The following TMEM38B variants were observed in gnomAD, a reference collection of about 807,000 sequenced individuals.
The protein encoded by TMEM38B is trimeric intracellular cation channel type B.
Under a neutral mutation model 28.7 loss-of-function variants are expected in TMEM38B, and 24 were observed. The ratio of observed to expected loss-of-function variants is 0.84; its 90% CI spans 0.61 to 1.18. The LOEUF is 1.18. Ranked by LOEUF, TMEM38B falls within the 50% of genes most tolerant of loss-of-function variation. The pLI is 0.00. For missense variants in TMEM38B, 380 were observed against 350.9 expected, an observed-to-expected ratio of 1.08 and a Z score of -0.66; for synonymous variants, 131 against 127.7, an observed-to-expected ratio of 1.03 and a Z score of -0.17.
rs1826698890 is a variant in TMEM38B, at chr9:105,775,559, A to C, written c.*1479A>C. On this transcript the variant is annotated 3_prime_UTR_variant, in exon 6 of 6. Coordinates refer to ENST00000374692, the MANE Select transcript of TMEM38B (RefSeq NM_018112.3). ...ACCAGCAGATACTATTACTTGCTTA[A>C]AAAATTGGGAGGGGGCACTTTTCAT... 1 of 152,044 alleles carries C rather than the reference A, an allele frequency of 6.6e-6. No homozygotes were observed. Among genetic ancestry groups the C allele is most frequent in the South Asian group, 2.1e-4 (1 of 4,834 alleles). 9.4% of individuals were successfully genotyped at this position (152,044 alleles called of 1,614,324 possible).
At position 105,739,586 on chromosome 9, in the gene TMEM38B, G is replaced by A. The variant is rs533045960; in HGVS notation, c.543-8487G>A. Among the ~76,000 whole-genome samples the A allele has an allele frequency of 4.6e-5, 7 of 152,104 alleles. No homozygotes were observed. In the South Asian group the frequency reaches 6.2e-4, roughly 14 times the overall value. On this transcript the variant is annotated intron_variant, in intron 4 of 5. Coordinates refer to ENST00000374692, the MANE Select transcript of TMEM38B (RefSeq NM_018112.3). ...TGTCCCCAGGCTGGAGTGCAGTGGC[G>A]TGATTTCAGCTCACTGCAACCTCTG... is the stretch of plus-strand genomic sequence containing the variant.
intron 4 of TMEM38B, among the ~76,000 whole-genome samples, chr9:105,747,310 T>G (rs1588450073): frequency 6.6e-6 from 1 of 152,132 alleles, no homozygotes; most frequent in East Asian, 1.9e-4. Context: ...CTTGGGAGAG[T>G]GTATGTGTCG....
At chr9:105,765,435 C>T (rs182530756) in intron 5 of TMEM38B, among the ~76,000 whole-genome samples, 1 of 152,318 alleles carries the variant, frequency 6.6e-6, no homozygotes, top group Non-Finnish European at 1.5e-5. Context: ...TGTGTAACTA[C>T]TACCACAGTC....
At chr9:105,695,759 G>A (rs1228593358) in intron 1 of TMEM38B, among the ~76,000 whole-genome samples, 1 of 151,994 alleles carries the variant, frequency 6.6e-6, no homozygotes, top group African/African-American at 2.4e-5. Context: ...ACTACTTACT[G>A]GTTTTAAAAA....
chr9:105,704,705 C>A (rs557840587), intron 1 of TMEM38B, among the ~76,000 whole-genome samples: 61 of 152,082 alleles, frequency 4.0e-4, no homozygotes, highest in Non-Finnish European at 7.2e-4. Flanking sequence ...GTGGGTGGAT[C>A]ACGAGATCAG....
At position 105,771,397 on chromosome 9, in the gene TMEM38B, T is replaced by C. The variant is rs1444250905; in HGVS notation, c.661-2468T>C. On this transcript the variant is annotated intron_variant, in intron 5 of 5. Coordinates refer to ENST00000374692, the MANE Select transcript of TMEM38B (RefSeq NM_018112.3). ...TCTGATGCCAGCAATACTTCTCAACTGAGTGATGAGTCTTTTGGGAGTGGA... is the reference window on the plus strand; with the variant it reads ...TCTGATGCCAGCAATACTTCTCAACCGAGTGATGAGTCTTTTGGGAGTGGA... Among the ~76,000 whole-genome samples the C allele has an allele frequency of 3.9e-5, 6 of 152,304 alleles. No individual in the cohort carries two copies. The East Asian group carries it at 1.2e-3, about 29-fold the overall frequency.
At chr9:105,715,669 T>C (rs755092265) in intron 2 of TMEM38B, among the ~76,000 whole-genome samples, 1 of 152,134 alleles carries the variant, frequency 6.6e-6, no homozygotes, top group Non-Finnish European at 1.5e-5. Flanking sequence ...TTTCTCTTTG[T>C]GTTTTCTGGT....
rs976945493 is a variant in TMEM38B at position 105,758,333 on chromosome 9, T to C, written c.660+10143T>C. On this transcript the variant is annotated intron_variant, in intron 5 of 5. Transcript: ENST00000374692. ...GCAAGTGGCAGAGCTAGAATTCAGA[T>C]CTTCCTGGTATGGCGATCTTACATG... The C allele has an allele frequency of 3.5e-6, 3 of 846,850 alleles. No homozygotes were observed. The African/African-American group carries it at 5.0e-5, about 14-fold the overall frequency. 52.5% of individuals were successfully genotyped at this position (846,850 alleles called of 1,614,324 possible).
At chr9:105,711,986 C>T (rs1396534963) in intron 2 of TMEM38B, among the ~76,000 whole-genome samples, 2 of 152,046 alleles carry the variant, frequency 1.3e-5, no homozygotes, top group South Asian at 2.1e-4. Context: ...GAGTGGCTCT[C>T]GGCTCACTGC....
In TMEM38B at chr9:105,694,624, G is replaced by C. The variant is rs771079105; in HGVS notation, c.-37G>C. On this transcript the variant is annotated 5_prime_UTR_variant, in exon 1 of 6. Transcript: ENST00000374692. ...ACCGCGCGAGCGCGGGGAACCAGTAGCCGCGGCTGCTTCGGTTGCCGCGGT... is the reference window on the plus strand; with the variant it reads ...ACCGCGCGAGCGCGGGGAACCAGTACCCGCGGCTGCTTCGGTTGCCGCGGT... 8.3e-6 allele frequency: 13 copies of C among 1,573,656 alleles called. 1 individual carries two copies. Among genetic ancestry groups the C allele is most frequent in the African/African-American group, 5.4e-5 (4 of 73,938 alleles).
chr9:105,739,565 C>A (rs1234699164), intron 4 of TMEM38B, among the ~76,000 whole-genome samples: 1 of 151,920 alleles, frequency 6.6e-6, no homozygotes, highest in Non-Finnish European at 1.5e-5. Flanking sequence ...TCACTCTGTC[C>A]CCAGGCTGGA....
At chr9:105,703,567 A>G (rs1290475209) in intron 1 of TMEM38B, among the ~76,000 whole-genome samples, 2 of 152,334 alleles carry the variant, frequency 1.3e-5, no homozygotes, top group Admixed American at 6.5e-5. Context: ...ATACCCAGTA[A>G]TGGGATGGCT....
At chr9:105,761,150 G>A (rs1838032675) in intron 5 of TMEM38B, among the ~76,000 whole-genome samples, 2 of 152,038 alleles carry the variant, frequency 1.3e-5, no homozygotes, top group African/African-American at 4.8e-5. Flanking sequence ...TAGTTGTTTG[G>A]GGTTACTTCT....
chr9:105,736,255 G>C (rs992124761), intron 4 of TMEM38B, among the ~76,000 whole-genome samples: 4 of 152,116 alleles, frequency 2.6e-5, no homozygotes, highest in Non-Finnish European at 4.4e-5. Context: ...TTGTTTGCCA[G>C]ATAGTGTCCT....
At chr9:105,735,990 C>T (rs1836958773) in intron 4 of TMEM38B, among the ~76,000 whole-genome samples, 1 of 152,034 alleles carries the variant, frequency 6.6e-6, no homozygotes, top group Non-Finnish European at 1.5e-5. Flanking sequence ...TCCTCAGCCT[C>T]TCAAAAATAG....
chr9:105,700,598 A>G (rs1015664203), intron 1 of TMEM38B, among the ~76,000 whole-genome samples: 2 of 152,162 alleles, frequency 1.3e-5, no homozygotes, highest in African/African-American at 2.4e-5. Flanking sequence ...CAATTTCTCA[A>G]TAAGGTGTCA....
chr9:105,694,784 G>T lies in TMEM38B; in HGVS notation c.112+12G>T, dbSNP rs1835220366. ...GAAACGTCAGCCGGGTGAGTGCGGG[G>T]CGCCGCGGGCCGGACCCCTCAGAGT... On this transcript the variant is annotated intron_variant, in intron 1 of 5. Transcript: ENST00000374692. 2 of 1,604,004 alleles carry T rather than the reference G, an allele frequency of 1.2e-6. No homozygotes were observed. The highest frequency in any genetic ancestry group is 1.7e-6 in the Non-Finnish European group (2 of 1,174,944).
chr9:105,710,306 T>C, intron 2 of TMEM38B: 1 of 665,822 alleles, frequency 1.5e-6, no homozygotes, highest in African/African-American at 1.8e-5. Flanking sequence ...ATTGTCGGAA[T>C]GGCTTCTGCT....
chr9:105,747,420 A>AT (rs1160703195), intron 4 of TMEM38B, among the ~76,000 whole-genome samples: 1 of 151,818 alleles, frequency 6.6e-6, no homozygotes, highest in African/African-American at 2.4e-5. Flanking sequence ...ATCGGTGGTG[A>AT]TATCCCCTTT....
Sources: allele counts gnomAD v4.1 joint callset (sites outside exome capture counted in the v4.1 genomes callset), GRCh38; gene constraint gnomAD v4.1.1; transcripts MANE v1.5; gene names NCBI Gene and HGNC (gene_info 2026-07-23, HGNC 2026-07-21).